Variants in SYT13 observed in about 807,000 individuals in gnomAD.
SYT13 encodes synaptotagmin 13.
Under a neutral mutation model 38.6 loss-of-function variants are expected in SYT13, and 21 were observed. The ratio of observed to expected loss-of-function variants is 0.54; its 90% CI spans 0.39 to 0.78. SYT13 has a LOEUF of 0.78. Ranked by LOEUF, SYT13 falls within the 30% of genes least tolerant of loss-of-function variation. The pLI is 0.00. For missense variants in SYT13, 495 were observed against 548.7 expected (o/e 0.90, Z 0.98); for synonymous variants, 241 against 237.6 (o/e 1.01, Z -0.13).
At position 45,252,845 on chromosome 11, in the gene SYT13, C is replaced by T; in HGVS notation, c.545-123G>A. 1 of 1,014,098 alleles carries T rather than the reference C, an allele frequency of 9.9e-7. No individual in the cohort carries two copies. The highest frequency in any genetic ancestry group is 1.4e-6 in the Non-Finnish European group (1 of 721,480). The allele number at this position is 1,014,098 out of a possible 1,614,324, so 62.8% of individuals were successfully genotyped here. On this transcript the variant is annotated intron_variant, in intron 3 of 5. Coordinates refer to ENST00000020926, the MANE Select transcript of SYT13 (RefSeq NM_020826.3). This position sits in a 1 kb window ranked among gnomAD's most constrained non-coding sequence, Gnocchi z 4.3. Reference sequence around the variant, plus strand: ...GACGTGACCTTGGGTGTCAGAAAGGCTGACCACCCTGGGCACCAGGGAATC... The same window carrying T: ...GACGTGACCTTGGGTGTCAGAAAGGTTGACCACCCTGGGCACCAGGGAATC...
intron 1 of SYT13, among the ~76,000 whole-genome samples, chr11:45,269,055 G>A (rs890582890): frequency 3.9e-5 from 6 of 152,152 alleles, no homozygotes; most frequent in Admixed American, 3.3e-4. Flanking sequence ...TGGAGAAGGG[G>A]AGGGTGGTAG....
At chr11:45,255,998 G>C (rs1854742852) in intron 1 of SYT13, 107 bp from the exon 2 acceptor site, 3 of 1,181,354 alleles carry the variant, frequency 2.5e-6, no homozygotes, top group Non-Finnish European at 3.7e-6. Flanking sequence ...TGCAGAGGGA[G>C]AGTTGTGGTT....
chr11:45,247,199 T>G (rs1309257154), intron 4 of SYT13, among the ~76,000 whole-genome samples: 1 of 152,166 alleles, frequency 6.6e-6, no homozygotes, highest in Non-Finnish European at 1.5e-5. Flanking sequence ...AGGAGTTTAT[T>G]TGGAATTTCA....
At chr11:45,258,985 GA>G (rs1448563384) in intron 1 of SYT13, among the ~76,000 whole-genome samples, 1 of 152,146 alleles carries the variant, frequency 6.6e-6, no homozygotes, top group Non-Finnish European at 1.5e-5. Context: ...TCATACAACT[GA>G]CAAGTGGTAT....
In SYT13 at chr11:45,252,336, G is replaced by A; in HGVS notation, c.846+85C>T. On this transcript the variant is annotated intron_variant, in intron 4 of 5. Transcript: ENST00000020926. This position sits in a 1 kb window ranked among gnomAD's most constrained non-coding sequence, Gnocchi z 4.3. Reference sequence around the variant, plus strand: ...GAGGTCTCTGAGGCTTGTTCCCTAAGACTGAGTTGCTGGGAGGACACCAGG... The same window carrying A: ...GAGGTCTCTGAGGCTTGTTCCCTAAAACTGAGTTGCTGGGAGGACACCAGG... 1 of 1,461,676 alleles carries A rather than the reference G, an allele frequency of 6.8e-7. No homozygotes were observed. Among genetic ancestry groups the A allele is most frequent in the Non-Finnish European group, 9.1e-7 (1 of 1,098,074 alleles). 90.5% of individuals were successfully genotyped at this position (1,461,676 alleles called of 1,614,324 possible).
intron 1 of SYT13, among the ~76,000 whole-genome samples, chr11:45,257,139 A>T (rs994831736): frequency 1.4e-4 from 22 of 152,146 alleles, no homozygotes; most frequent in Non-Finnish European, 4.4e-5. Context: ...AACGAAAGGG[A>T]ATCTTTCTTT....
chr11:45,256,829 C>T (rs1377059595), intron 1 of SYT13, among the ~76,000 whole-genome samples: 4 of 152,190 alleles, frequency 2.6e-5, no homozygotes, highest in Non-Finnish European at 5.9e-5. Context: ...TATTTATCAT[C>T]TTATTACACA....
Position 45,286,056 on chromosome 11 carries a change from G to T in SYT13, c.152C>A (p.Ala51Glu), listed in dbSNP as rs779927544. Residue 51 changes from alanine to glutamate, a missense_variant, in exon 1 of 6, where the codon GCG (alanine) becomes GAG (glutamate). Coordinates refer to ENST00000020926, the MANE Select transcript of SYT13 (RefSeq NM_020826.3). ...TGCAGACCCGAGCAAGCTGGGCTTCGCCTTCTCCAGGTCGGGGTCCTGGTC... is the reference window on the plus strand; with the variant it reads ...TGCAGACCCGAGCAAGCTGGGCTTCTCCTTCTCCAGGTCGGGGTCCTGGTC... ...PRDQDPDLEKAKPSLLGSAQQ... is the reference protein window; with the variant it reads ...PRDQDPDLEKEKPSLLGSAQQ... 4 of 1,609,312 alleles carry T rather than the reference G, an allele frequency of 2.5e-6. No individual in the cohort carries two copies. Among genetic ancestry groups the T allele is most frequent in the Non-Finnish European group, 2.5e-6 (3 of 1,179,556 alleles).
At chr11:45,246,637 C>T in intron 4 of SYT13, 125 bp from the exon 5 acceptor site, 3 of 1,373,360 alleles carry the variant, frequency 2.2e-6, no homozygotes, top group Non-Finnish European at 2.9e-6. Flanking sequence ...AACCATTTAC[C>T]CGTCAATGCT....
At chr11:45,267,851 G>A (rs1050548925) in intron 1 of SYT13, among the ~76,000 whole-genome samples, 11 of 152,250 alleles carry the variant, frequency 7.2e-5, no homozygotes, top group Middle Eastern at 3.4e-3. Context: ...CAGTCCAGGC[G>A]GCGCAGTGTT....
chr11:45,260,547 A>G (rs566497791), intron 1 of SYT13, among the ~76,000 whole-genome samples: 1 of 152,276 alleles, frequency 6.6e-6, no homozygotes, highest in African/African-American at 2.4e-5. Context: ...GCCTTCCACC[A>G]TGGGTGCAGG....
At chr11:45,275,603 CT>C (rs1281285835) in intron 1 of SYT13, among the ~76,000 whole-genome samples, 1 of 152,158 alleles carries the variant, frequency 6.6e-6, no homozygotes, top group African/African-American at 2.4e-5. Flanking sequence ...TCTCCCAGGA[CT>C]TTTCTATAAC....
At chr11:45,261,256 C>T (rs898134279) in intron 1 of SYT13, among the ~76,000 whole-genome samples, 3 of 152,152 alleles carry the variant, frequency 2.0e-5, no homozygotes, top group African/African-American at 7.2e-5. Context: ...GAATTCTGTG[C>T]ACTGCTGGTG....
intron 3 of SYT13, among the ~76,000 whole-genome samples, chr11:45,253,694 C>T (rs1408180545): frequency 2.0e-5 from 3 of 152,152 alleles, no homozygotes; most frequent in Admixed American, 6.5e-5. Context: ...CTTTTCTGAC[C>T]ATTCGGAACA....
At position 45,264,035 on chromosome 11, in the gene SYT13, G is replaced by T. The variant is rs145942428; in HGVS notation, c.184-8144C>A. On this transcript the variant is annotated intron_variant, in intron 1 of 5. Coordinates refer to ENST00000020926, the MANE Select transcript of SYT13 (RefSeq NM_020826.3). ...CTAGTCAGGTGCTACAAAAAGTGGGGTTTGTGTGTAGGGACCAGTTGATGA... is the reference window on the plus strand; with the variant it reads ...CTAGTCAGGTGCTACAAAAAGTGGGTTTTGTGTGTAGGGACCAGTTGATGA... Among the ~76,000 whole-genome samples, 4 of 152,318 alleles carry T rather than the reference G, an allele frequency of 2.6e-5. No individual in the cohort carries two copies. In the East Asian group the frequency reaches 7.7e-4, roughly 29 times the overall value.
chr11:45,278,722 G>T (rs1411125715), intron 1 of SYT13, among the ~76,000 whole-genome samples: 3 of 152,030 alleles, frequency 2.0e-5, no homozygotes, highest in African/African-American at 7.3e-5. Flanking sequence ...GAAGGAACTA[G>T]GGGAGGAAGG....
At chr11:45,283,017 A>G (rs2135913551) in intron 1 of SYT13, among the ~76,000 whole-genome samples, 1 of 152,250 alleles carries the variant, frequency 6.6e-6, no homozygotes, top group South Asian at 2.1e-4. Flanking sequence ...GCGTGGTGGC[A>G]CGTGCCTGTA....
chr11:45,259,081 G>A (rs1023767526), intron 1 of SYT13, among the ~76,000 whole-genome samples: 1 of 151,912 alleles, frequency 6.6e-6, no homozygotes, highest in African/African-American at 2.4e-5. Flanking sequence ...CCACCCCCTT[G>A]CCCCCTGCAA....
At chr11:45,282,636 C>T (rs541223620) in intron 1 of SYT13, among the ~76,000 whole-genome samples, 1 of 152,300 alleles carries the variant, frequency 6.6e-6, no homozygotes, top group African/African-American at 2.4e-5. Context: ...TCTGCAACAG[C>T]TGTAATGTGC....
Sources: allele counts gnomAD v4.1 joint callset (sites outside exome capture counted in the v4.1 genomes callset), GRCh38; gene constraint gnomAD v4.1.1; non-coding constraint Gnocchi (gnomAD v3.1); transcripts MANE v1.5; gene names NCBI Gene and HGNC (gene_info 2026-07-23, HGNC 2026-07-21).